RPH3AL: variants seen among roughly 807,000 people sequenced by gnomAD.
The protein encoded by RPH3AL is rabphilin 3A like (without C2 domains).
Under a neutral mutation model 43.1 loss-of-function variants are expected in RPH3AL, and 38 were observed. That is an observed-to-expected ratio of 0.88 (90% CI 0.68 to 1.15). The LOEUF is 1.15. Among genes scored for constraint, RPH3AL ranks in the 50% most tolerant of loss-of-function variants. The probability of loss-of-function intolerance (pLI) is 0.00; values close to 1 mark genes in which losing one functional copy is unlikely to be tolerated. For synonymous variants in RPH3AL, 189 were observed against 176.3 expected (o/e 1.07, Z -0.57); for missense variants, 462 against 423.2 (o/e 1.09, Z -0.81).
intron 5 of RPH3AL, among the ~76,000 whole-genome samples, chr17:314,096 G>A (rs1367344519): frequency 1.3e-5 from 2 of 152,192 alleles, no homozygotes; most frequent in Non-Finnish European, 2.9e-5. Flanking sequence ...AGCCACTGTT[G>A]CCTAAGACAT....
chr17:313,560 C>G (rs1279949213), intron 5 of RPH3AL, among the ~76,000 whole-genome samples: 2 of 152,146 alleles, frequency 1.3e-5, no homozygotes, highest in Non-Finnish European at 2.9e-5. Flanking sequence ...TGTGTTTGGG[C>G]CTGAGCTCAG....
Position 245,350 on chromosome 17 carries a change from T to G in RPH3AL, c.613+1761A>C, listed in dbSNP as rs896019131. 6.7e-6 allele frequency among the ~76,000 whole-genome samples: 1 copy of G among 150,358 alleles called. No homozygotes were observed. Among genetic ancestry groups the G allele is most frequent in the Non-Finnish European group, 1.5e-5 (1 of 67,540 alleles). ...GTGTGTGTGTGTGGATGTGAGTGTGTATGTGGATGTCAGTGTGTGTGTGTG... is the reference window on the plus strand; with the variant it reads ...GTGTGTGTGTGTGGATGTGAGTGTGGATGTGGATGTCAGTGTGTGTGTGTG... On this transcript the variant is annotated intron_variant, in intron 7 of 9. Transcript: ENST00000331302. The surrounding 1 kb of genome is among the most constrained non-coding windows in gnomAD (Gnocchi z 5.9).
intron 1 of RPH3AL, among the ~76,000 whole-genome samples, chr17:344,038 C>G (rs1182172949): frequency 1.2e-5 from 1 of 81,158 alleles, no homozygotes; most frequent in African/African-American, 3.4e-5. Flanking sequence ...TCACCCCCAT[C>G]ATCACCATCA....
intron 6 of RPH3AL, among the ~76,000 whole-genome samples, chr17:259,687 T>G (rs1350502237): frequency 9.2e-5 from 14 of 152,172 alleles, no homozygotes; most frequent in Non-Finnish European, 1.5e-4. Flanking sequence ...TGCCATTTAA[T>G]GAGAAAAGAC....
At chr17:238,609 C>G (rs1229238633) in intron 7 of RPH3AL, among the ~76,000 whole-genome samples, 1 of 152,242 alleles carries the variant, frequency 6.6e-6, no homozygotes, top group Admixed American at 6.5e-5. Flanking sequence ...GCAAAGACAT[C>G]TGTCCTGACA....
At chr17:258,330 TGGCAGCTGC>T (rs1324067962) in intron 6 of RPH3AL, among the ~76,000 whole-genome samples, 1 of 152,264 alleles carries the variant, frequency 6.6e-6, no homozygotes, top group African/African-American at 2.4e-5. Flanking sequence ...ATGACTGTGC[TGGCAGCTGC>T]GGGTCGTTTG....
chr17:275,553 C>T (rs996508959), intron 6 of RPH3AL, among the ~76,000 whole-genome samples: 3 of 152,098 alleles, frequency 2.0e-5, no homozygotes, highest in Non-Finnish European at 4.4e-5. Context: ...AAACTGCACA[C>T]AAGTGTTTCT....
rs557921739 is a variant in RPH3AL, at chr17:323,472, C to T, written c.78-2057G>A. Among the ~76,000 whole-genome samples the T allele has an allele frequency of 1.8e-4, 28 of 152,266 alleles. No homozygotes were observed. The highest frequency in any genetic ancestry group is 6.3e-4 in the African/African-American group (26 of 41,544). On this transcript the variant is annotated intron_variant, in intron 3 of 9. Transcript: ENST00000331302. The surrounding 1 kb of genome is among the most constrained non-coding windows in gnomAD (Gnocchi z 4.4). ...CAAAAAGCAATATCCCCTCCACAAC[C>T]CCTACCTACTGGTTTGTTCCATCTG... is the stretch of plus-strand genomic sequence containing the variant.
At chr17:334,454 TC>T (rs2044885332) in intron 1 of RPH3AL, among the ~76,000 whole-genome samples, 1 of 150,588 alleles carries the variant, frequency 6.6e-6, no homozygotes. Flanking sequence ...CAGCTCCTTC[TC>T]CCCACGCCTT....
At chr17:232,762 G>A (rs2041257110) in intron 7 of RPH3AL, among the ~76,000 whole-genome samples, 1 of 152,078 alleles carries the variant, frequency 6.6e-6, no homozygotes, top group Non-Finnish European at 1.5e-5. Context: ...CACAGGGCCT[G>A]TGGTGCCGTT....
At chr17:281,663 A>AGG in intron 6 of RPH3AL, 105 bp downstream of exon 6, 1 of 593,942 alleles carries the variant, frequency 1.7e-6, no homozygotes, top group Non-Finnish European at 3.2e-6. Context: ...GAGCGTATCC[A>AGG]GCCCGCCCAG....
At chr17:261,113 G>A (rs782021032) in intron 6 of RPH3AL, among the ~76,000 whole-genome samples, 5 of 152,314 alleles carry the variant, frequency 3.3e-5, no homozygotes, top group East Asian at 1.9e-4. Context: ...CCAACAAATA[G>A]TCAGCTGAAC....
intron 2 of RPH3AL, among the ~76,000 whole-genome samples, chr17:329,489 G>A (rs1457661481): frequency 6.6e-6 from 1 of 152,094 alleles, no homozygotes; most frequent in African/African-American, 2.4e-5. Flanking sequence ...AAAATATATA[G>A]ATATACATAT....
At chr17:268,917 C>A (rs1336500785) in intron 6 of RPH3AL, among the ~76,000 whole-genome samples, 1 of 152,012 alleles carries the variant, frequency 6.6e-6, no homozygotes, top group Non-Finnish European at 1.5e-5. Context: ...CTCGCTCCGT[C>A]ACCCAGGCTG....
intron 5 of RPH3AL, among the ~76,000 whole-genome samples, chr17:295,259 G>A (rs530576799): frequency 1.5e-4 from 22 of 146,016 alleles, no homozygotes; most frequent in African/African-American, 4.6e-4. Context: ...CAGAGGGAAT[G>A]CACATCAGTG....
chr17:258,922 G>A (rs1468711696), intron 6 of RPH3AL, among the ~76,000 whole-genome samples: 10 of 151,814 alleles, frequency 6.6e-5, no homozygotes, highest in South Asian at 4.2e-4. Flanking sequence ...CACCATGCCC[G>A]GCGAAGTCAA....
chr17:301,127 TG>T (rs2043318323), intron 5 of RPH3AL, among the ~76,000 whole-genome samples: 2 of 152,396 alleles, frequency 1.3e-5, no homozygotes, highest in South Asian at 4.1e-4. Context: ...CCTCTCACTC[TG>T]GATGCTCCGC....
chr17:299,230 G>A (rs1005656330), intron 5 of RPH3AL, among the ~76,000 whole-genome samples: 5 of 152,110 alleles, frequency 3.3e-5, no homozygotes, highest in African/African-American at 1.2e-4. Context: ...AGGTACTCAG[G>A]CCTCACTCCC....
chr17:289,527 T>C lies in RPH3AL; in HGVS notation c.352-7673A>G, dbSNP rs939731270. ...GCTGTCCTCCAGCTGGTTCCCGACA[T>C]GGCAGCCAGGCCGATTTTCTCAAGA... On this transcript the variant is annotated intron_variant, in intron 5 of 9. Transcript: ENST00000331302. The surrounding 1 kb of genome is among the most constrained non-coding windows in gnomAD (Gnocchi z 5.2). Among the ~76,000 whole-genome samples, 2 of 152,152 alleles carry C rather than the reference T, an allele frequency of 1.3e-5. No individual in the cohort carries two copies. Among genetic ancestry groups the C allele is most frequent in the African/African-American group, 4.8e-5 (2 of 41,428 alleles).
Sources: allele counts gnomAD v4.1 joint callset (sites outside exome capture counted in the v4.1 genomes callset), GRCh38; gene constraint gnomAD v4.1.1; non-coding constraint Gnocchi (gnomAD v3.1); transcripts MANE v1.5; gene names NCBI Gene and HGNC (gene_info 2026-07-23, HGNC 2026-07-21).